Variants in MDGA2 observed in about 807,000 individuals in gnomAD.
MDGA2 encodes the protein MAM domain containing glycosylphosphatidylinositol anchor 2.
MDGA2 carries 40 observed loss-of-function variants against 117.8 expected under a neutral mutation model. That is an observed-to-expected ratio of 0.34 (90% CI 0.26 to 0.44). MDGA2 has a LOEUF of 0.44. Among genes scored for constraint, MDGA2 ranks in the 20% least tolerant of loss-of-function variants. The pLI, the probability that MDGA2 is intolerant of heterozygous loss-of-function variation, is 1.00. For missense variants in MDGA2, 1,123 were observed against 1,250.6 expected, an observed-to-expected ratio of 0.90 and a Z score of 1.54; for synonymous variants, 452 against 439.0, an observed-to-expected ratio of 1.03 and a Z score of -0.37.
At chr14:47,024,028 G>T (rs760237004) in intron 8 of MDGA2, among the ~76,000 whole-genome samples, 3 of 152,162 alleles carry the variant, frequency 2.0e-5, no homozygotes, top group Non-Finnish European at 4.4e-5. Context: ...AAATGCATTA[G>T]CAGGAATGAG....
At chr14:47,125,238 T>C (rs1302660056) in intron 5 of MDGA2, among the ~76,000 whole-genome samples, 1 of 152,154 alleles carries the variant, frequency 6.6e-6, no homozygotes, top group African/African-American at 2.4e-5. Flanking sequence ...TGGCTGTCTA[T>C]GACCATAGGT....
At chr14:47,576,284 T>C (rs539224181) in intron 1 of MDGA2, among the ~76,000 whole-genome samples, 4 of 152,330 alleles carry the variant, frequency 2.6e-5, no homozygotes, top group Admixed American at 2.0e-4. Context: ...GAATTAAATA[T>C]GTATTTCTAC....
intron 1 of MDGA2, among the ~76,000 whole-genome samples, chr14:47,560,832 C>A (rs767957689): frequency 6.6e-6 from 1 of 152,114 alleles, no homozygotes; most frequent in South Asian, 2.1e-4. Flanking sequence ...TTAGGTTTTA[C>A]ATTTAAGTTG....
In MDGA2 at chr14:47,097,162, T is replaced by C. The variant is rs547653134; in HGVS notation, c.926-39A>G. The C allele has an allele frequency of 3.8e-6, 6 of 1,593,696 alleles. 1 individual carries two copies. In the South Asian group the frequency reaches 5.6e-5, roughly 15 times the overall value. On this transcript the variant is annotated intron_variant, in intron 5 of 16. Transcript: ENST00000399232. Reference sequence around the variant, plus strand: ...ACAGAAGAACGTGCACCTATTTAGATATGCTACAACTAGAATTCAACAGCA... The same window carrying C: ...ACAGAAGAACGTGCACCTATTTAGACATGCTACAACTAGAATTCAACAGCA...
At chr14:47,125,251 A>G (rs2139121993) in intron 5 of MDGA2, among the ~76,000 whole-genome samples, 1 of 152,286 alleles carries the variant, frequency 6.6e-6, no homozygotes, top group East Asian at 1.9e-4. Flanking sequence ...CCATAGGTGT[A>G]GCATATCGCA....
At chr14:47,028,660 C>A (rs1482787010) in intron 8 of MDGA2, among the ~76,000 whole-genome samples, 1 of 151,884 alleles carries the variant, frequency 6.6e-6, no homozygotes, top group African/African-American at 2.4e-5. Context: ...ACTTAAATGG[C>A]AAAAAGATTG....
At chr14:47,471,259 T>C (rs1178074848) in intron 1 of MDGA2, among the ~76,000 whole-genome samples, 1 of 151,608 alleles carries the variant, frequency 6.6e-6, no homozygotes, top group Non-Finnish European at 1.5e-5. Context: ...GGAGTTTTTT[T>C]TTTTTCACTG....
At chr14:47,079,359 T>C (rs367936654) in intron 6 of MDGA2, among the ~76,000 whole-genome samples, 107 of 152,300 alleles carry the variant, frequency 7.0e-4, no homozygotes, top group African/African-American at 2.1e-3. Flanking sequence ...AACCCAAGCA[T>C]TGATGAAATG....
chr14:47,208,658 G>A (rs1057307624), intron 3 of MDGA2, among the ~76,000 whole-genome samples: 2 of 151,620 alleles, frequency 1.3e-5, no homozygotes, highest in African/African-American at 4.8e-5. Context: ...GGATGCCAAT[G>A]TCCATTCTCT....
In MDGA2 at chr14:46,874,074, G is replaced by T; in HGVS notation, c.2564C>A (p.Pro855His). The T allele has an allele frequency of 6.4e-7, 1 of 1,554,698 alleles. No individual in the cohort carries two copies. Among genetic ancestry groups the T allele is most frequent in the Non-Finnish European group, 8.7e-7 (1 of 1,155,164 alleles). ...RNTKYTPNTG[P>H]NADRSGSKEG... ...TTTGGAGCCACTACGGTCAGCATTA[G>T]GTCCTGTATTAGGAGTATATTTTGT... The change falls in exon 13 of 17, where the codon CCT becomes CAT. Residue 855 changes from proline (P) to histidine (H), a missense_variant. Coordinates refer to ENST00000399232, the MANE Select transcript of MDGA2 (RefSeq NM_001113498.3).
chr14:47,038,463 T>C (rs1223451267), intron 7 of MDGA2, among the ~76,000 whole-genome samples: 2 of 152,180 alleles, frequency 1.3e-5, no homozygotes, highest in African/African-American at 4.8e-5. Context: ...ATATTTCAAA[T>C]ATCCCTTTTA....
At chr14:46,868,839 A>C (rs1247774339) in intron 14 of MDGA2, among the ~76,000 whole-genome samples, 1 of 151,982 alleles carries the variant, frequency 6.6e-6, no homozygotes, top group African/African-American at 2.4e-5. Flanking sequence ...TGTTTTGCAG[A>C]GAAAATGGAG....
intron 1 of MDGA2, among the ~76,000 whole-genome samples, chr14:47,506,101 G>C (rs1352884198): frequency 6.6e-6 from 1 of 152,124 alleles, no homozygotes; most frequent in Non-Finnish European, 1.5e-5. Flanking sequence ...AGTTCAGTAA[G>C]TTCCTATTGT....
intron 1 of MDGA2, among the ~76,000 whole-genome samples, chr14:47,625,737 CTTTA>C (rs1460813874): frequency 2.0e-5 from 3 of 152,210 alleles, no homozygotes; most frequent in Admixed American, 6.5e-5. Flanking sequence ...ACTCTTCAAA[CTTTA>C]TTTCTCAGGA....
chr14:47,322,252 A>G (rs548255735), intron 1 of MDGA2, among the ~76,000 whole-genome samples: 1 of 152,324 alleles, frequency 6.6e-6, no homozygotes, highest in African/African-American at 2.4e-5. Flanking sequence ...CAGAGTAAAC[A>G]GTTGTAAAGC....
chr14:46,867,324 T>C (rs913123360), intron 14 of MDGA2, among the ~76,000 whole-genome samples: 1 of 151,752 alleles, frequency 6.6e-6, no homozygotes, highest in Admixed American at 6.6e-5. Context: ...TTCTCACTCA[T>C]AGGTGGGAAT....
intron 6 of MDGA2, among the ~76,000 whole-genome samples, chr14:47,072,580 G>T (rs940896172): frequency 3.3e-5 from 5 of 152,172 alleles, no homozygotes; most frequent in African/African-American, 9.7e-5. Flanking sequence ...CTCCAAGTAT[G>T]AACCCTAGTC....
At chr14:47,446,207 G>A (rs1234603430) in intron 1 of MDGA2, among the ~76,000 whole-genome samples, 1 of 152,108 alleles carries the variant, frequency 6.6e-6, no homozygotes, top group African/African-American at 2.4e-5. Flanking sequence ...CTTGGTTGGA[G>A]GTAACAAAGC....
In MDGA2 at chr14:47,349,620, A is replaced by C. The variant is rs117380368; in HGVS notation, c.281-48070T>G. Among the ~76,000 whole-genome samples the C allele has an allele frequency of 2.6e-4, 40 of 152,226 alleles. No homozygotes were observed. In the East Asian group the frequency reaches 6.8e-3, roughly 26 times the overall value. The stretch of plus-strand genomic sequence containing the variant: ...GGAGTATGTTGGCATTTTTGTTTTC[A>C]TTTTAAATTGTCTTTGAAAACATTC... On this transcript the variant is annotated intron_variant, in intron 1 of 16. Transcript: ENST00000399232.
Sources: gnomAD v4.1 joint callset for allele counts (sites outside exome capture counted in the v4.1 genomes callset) on GRCh38, gnomAD v4.1.1 for gene constraint, MANE v1.5 for transcripts, NCBI Gene and HGNC (gene_info 2026-07-23, HGNC 2026-07-21) for gene names.